Variants in PTPRG observed in about 807,000 individuals in gnomAD.
PTPRG encodes the protein receptor-type tyrosine-protein phosphatase gamma.
PTPRG carries 102 observed loss-of-function variants against 165.3 expected under a neutral mutation model. The ratio of observed to expected loss-of-function variants is 0.62; its 90% CI spans 0.53 to 0.73. The LOEUF is 0.73. PTPRG is among the 30% of genes least tolerant of loss of function. The pLI, the probability that PTPRG is intolerant of heterozygous loss-of-function variation, is 0.00. For missense variants in PTPRG, 1,866 were observed against 1,861.4 expected, an observed-to-expected ratio of 1.00 and a Z score of -0.05; for synonymous variants, 675 against 669.5, an observed-to-expected ratio of 1.01 and a Z score of -0.13.
At chr3:61,880,906 T>A (rs1449284388) in intron 2 of PTPRG, among the ~76,000 whole-genome samples, 2 of 150,410 alleles carry the variant, frequency 1.3e-5, no homozygotes, top group Admixed American at 6.6e-5. Context: ...TCCAATGGGG[T>A]CAGTTTCTAC....
chr3:61,934,559 G>A (rs1225061637), intron 2 of PTPRG, among the ~76,000 whole-genome samples: 1 of 151,940 alleles, frequency 6.6e-6, no homozygotes, highest in Non-Finnish European at 1.5e-5. Flanking sequence ...TCTTGCTCCT[G>A]TGTTGTCCAC....
chr3:62,107,262 A>G (rs1396100093), intron 5 of PTPRG, among the ~76,000 whole-genome samples: 2 of 152,204 alleles, frequency 1.3e-5, no homozygotes, highest in African/African-American at 4.8e-5. Context: ...ATGGCAAATC[A>G]CTCATACCAT....
At chr3:61,581,901 C>T (rs1048678036) in intron 1 of PTPRG, among the ~76,000 whole-genome samples, 1 of 151,974 alleles carries the variant, frequency 6.6e-6, no homozygotes, top group East Asian at 1.9e-4. Flanking sequence ...TGAGCCTGTA[C>T]CTGGCATATA....
intron 4 of PTPRG, among the ~76,000 whole-genome samples, chr3:62,074,401 G>T (rs1285239150): frequency 3.7e-5 from 5 of 135,132 alleles, no homozygotes; most frequent in African/African-American, 1.2e-4. Context: ...TGTCACTCAG[G>T]CTGGAGTGCA....
At chr3:62,039,229 C>G (rs1473063633) in intron 4 of PTPRG, among the ~76,000 whole-genome samples, 1 of 151,296 alleles carries the variant, frequency 6.6e-6, no homozygotes, top group Non-Finnish European at 1.5e-5. Context: ...GCCACCACCC[C>G]TAGCCAAGAG....
rs577538537 is a variant in PTPRG at position 61,956,480 on chromosome 3, A to G, written c.191-33145A>G. Among the ~76,000 whole-genome samples the G allele has an allele frequency of 1.8e-4, 28 of 152,238 alleles. No individual in the cohort carries two copies. In the East Asian group the frequency reaches 4.3e-3, roughly 23 times the overall value. On this transcript the variant is annotated intron_variant, in intron 2 of 29. Coordinates refer to ENST00000474889, the MANE Select transcript of PTPRG (RefSeq NM_002841.4). ...CTCACTGAAAAAATATTTAATGTGGATCTAGTCAGTTCCAGTTTGGTTAGT... is the reference window on the plus strand; with the variant it reads ...CTCACTGAAAAAATATTTAATGTGGGTCTAGTCAGTTCCAGTTTGGTTAGT...
intron 2 of PTPRG, among the ~76,000 whole-genome samples, chr3:61,756,457 C>G (rs1055613732): frequency 6.6e-6 from 1 of 152,150 alleles, no homozygotes; most frequent in African/African-American, 2.4e-5. Flanking sequence ...AAATGTGTTG[C>G]CATATGCTTA....
intron 1 of PTPRG, among the ~76,000 whole-genome samples, chr3:61,731,880 C>T (rs1253254746): frequency 2.0e-5 from 3 of 151,924 alleles, no homozygotes; most frequent in Non-Finnish European, 4.4e-5. Flanking sequence ...CGGTTCACTG[C>T]AACCTTCACC....
At chr3:61,572,316 C>G (rs1700075276) in intron 1 of PTPRG, among the ~76,000 whole-genome samples, 1 of 152,124 alleles carries the variant, frequency 6.6e-6, no homozygotes, top group African/African-American at 2.4e-5. Flanking sequence ...TGGAGATTTG[C>G]TCATGTCAAC....
At chr3:61,923,537 C>G (rs1014560440) in intron 2 of PTPRG, among the ~76,000 whole-genome samples, 1 of 151,482 alleles carries the variant, frequency 6.6e-6, no homozygotes, top group Non-Finnish European at 1.5e-5. Context: ...AGGTATATCT[C>G]CTAATGCCAA....
intron 4 of PTPRG, among the ~76,000 whole-genome samples, chr3:62,071,114 A>G (rs1032606241): frequency 2.0e-5 from 3 of 151,832 alleles, no homozygotes; most frequent in African/African-American, 7.3e-5. Context: ...GTGTTCTTCC[A>G]CTTTAATAAA....
chr3:61,687,428 C>A (rs1272000172), intron 1 of PTPRG, among the ~76,000 whole-genome samples: 2 of 152,218 alleles, frequency 1.3e-5, no homozygotes, highest in Non-Finnish European at 2.9e-5. Context: ...ACTAGGGACT[C>A]CACCTTTGTC....
At chr3:62,053,955 A>C (rs1433522926) in intron 4 of PTPRG, among the ~76,000 whole-genome samples, 2 of 152,226 alleles carry the variant, frequency 1.3e-5, no homozygotes, top group African/African-American at 4.8e-5. Flanking sequence ...GAAGGGTACT[A>C]CATGAGGGAC....
Position 62,185,588 on chromosome 3 carries a change from C to CA in PTPRG, c.1034-5872dup, listed in dbSNP as rs201842951. On this transcript the variant is annotated intron_variant, in intron 8 of 29. Coordinates refer to ENST00000474889, the MANE Select transcript of PTPRG (RefSeq NM_002841.4). Reference sequence around the variant, plus strand: ...CAACGGGGAGTGGTGGAGACTATGGCAAAAAAAAAGAAAAATTGAGTACAC... The same window carrying CA: ...CAACGGGGAGTGGTGGAGACTATGGCAAAAAAAAAAGAAAAATTGAGTACAC... Among the ~76,000 whole-genome samples, 1,103 of 149,782 alleles carry CA rather than the reference C, an allele frequency of 7.4e-3. 14 individuals carry two copies. Among genetic ancestry groups the CA allele is most frequent in the African/African-American group, 0.025 (1,033 of 40,834 alleles).
intron 1 of PTPRG, among the ~76,000 whole-genome samples, chr3:61,582,792 A>G (rs538711907): frequency 2.0e-5 from 3 of 152,298 alleles, no homozygotes; most frequent in African/African-American, 2.4e-5. Context: ...ATTCAAGTCA[A>G]CTGTTAGTGG....
rs569948566 is a variant in PTPRG at position 61,743,194 on chromosome 3, A to G, written c.86-5684A>G. On this transcript the variant is annotated intron_variant, in intron 1 of 29. Transcript: ENST00000474889. Reference sequence around the variant, plus strand: ...TTCGGGCTGGAAATGAGGTAGGCTCAGTAGAAGTTCTGAGAAGAGACAGAG... The same window carrying G: ...TTCGGGCTGGAAATGAGGTAGGCTCGGTAGAAGTTCTGAGAAGAGACAGAG... 53 of 732,814 alleles carry G rather than the reference A, an allele frequency of 7.2e-5. No homozygotes were observed. The African/African-American group carries it at 8.5e-4, about 12-fold the overall frequency. The allele number at this position is 732,814 out of a possible 1,614,324, so 45.4% of individuals were successfully genotyped here. A position where few individuals can be genotyped will look rare whatever the true frequency, so the allele number is the denominator to read the frequency against.
intron 2 of PTPRG, among the ~76,000 whole-genome samples, chr3:61,823,997 G>A (rs576229771): frequency 4.6e-5 from 7 of 152,232 alleles, no homozygotes; most frequent in African/African-American, 1.7e-4. Context: ...GGTGGCGGGC[G>A]CCTGTAGTCC....
At chr3:61,661,628 T>C (rs1342432821) in intron 1 of PTPRG, among the ~76,000 whole-genome samples, 1 of 152,250 alleles carries the variant, frequency 6.6e-6, no homozygotes, top group Non-Finnish European at 1.5e-5. Flanking sequence ...ATATAAATTC[T>C]ATTCCTTTTA....
At chr3:62,116,867 T>G (rs1181164836) in intron 5 of PTPRG, among the ~76,000 whole-genome samples, 3 of 152,222 alleles carry the variant, frequency 2.0e-5, no homozygotes, top group Non-Finnish European at 1.5e-5. Flanking sequence ...TAGAGTTGTT[T>G]CCTAATGAGA....
Sources: gnomAD v4.1 joint callset for allele counts (sites outside exome capture counted in the v4.1 genomes callset) on GRCh38, gnomAD v4.1.1 for gene constraint, MANE v1.5 for transcripts, NCBI Gene and HGNC (gene_info 2026-07-23, HGNC 2026-07-21) for gene names.